GPC5: variants seen among roughly 807,000 people sequenced by gnomAD.
GPC5 encodes glypican-5.
GPC5 carries 47 observed loss-of-function variants against 53.9 expected under a neutral mutation model. That is an observed-to-expected ratio of 0.87 (90% CI 0.69 to 1.11). GPC5 has a LOEUF of 1.11. Ranked by LOEUF, GPC5 falls within the 50% of genes most tolerant of loss-of-function variation. GPC5 has a pLI of 0.00. For missense variants in GPC5, 748 were observed against 713.1 expected, an observed-to-expected ratio of 1.05 and a Z score of -0.56; for synonymous variants, 286 against 263.3, an observed-to-expected ratio of 1.09 and a Z score of -0.84.
intron 7 of GPC5, among the ~76,000 whole-genome samples, chr13:92,433,817 C>T (rs986212707): frequency 6.6e-6 from 1 of 152,070 alleles, no homozygotes; most frequent in Non-Finnish European, 1.5e-5. Context: ...GGTTTGGGTA[C>T]AGAAAACGGT....
At chr13:91,637,997 G>T (rs1431357321) in intron 2 of GPC5, among the ~76,000 whole-genome samples, 1 of 152,192 alleles carries the variant, frequency 6.6e-6, no homozygotes, top group African/African-American at 2.4e-5. Flanking sequence ...CCTGAATAGA[G>T]GATAGCTCTA....
Position 91,702,356 on chromosome 13 carries a change from A to C in GPC5, c.1020+8475A>C, listed in dbSNP as rs143622041. On this transcript the variant is annotated intron_variant, in intron 3 of 7. Coordinates refer to ENST00000377067, the MANE Select transcript of GPC5 (RefSeq NM_004466.6). ...TGTACTTGTGGGGTCATATCCAAAA[A>C]ATCTTGCTAAGACTAATGTCAAGAA... is the stretch of plus-strand genomic sequence containing the variant. 2.0e-3 allele frequency among the ~76,000 whole-genome samples: 305 copies of C among 152,234 alleles called. 2 individuals are homozygous for C. The highest frequency in any genetic ancestry group is 7.1e-3 in the African/African-American group (296 of 41,570).
intron 7 of GPC5, among the ~76,000 whole-genome samples, chr13:92,159,567 TC>T (rs2041970736): frequency 6.7e-6 from 1 of 150,226 alleles, no homozygotes; most frequent in African/African-American, 2.4e-5. Flanking sequence ...GAATTGCTGC[TC>T]TATGTAATCA....
Position 92,527,202 on chromosome 13 carries a change from A to AGAAAG in GPC5, c.1562-339080_1562-339079insGAAAG, listed in dbSNP as rs1491378218. Among the ~76,000 whole-genome samples the AGAAAG allele has an allele frequency of 2.5e-3, 71 of 28,174 alleles. 5 individuals carry two copies. Among genetic ancestry groups the AGAAAG allele is most frequent in the East Asian group, 7.5e-3 (3 of 398 alleles). The allele number at this position is 28,174 out of a possible 152,430, so 18.5% of individuals were successfully genotyped here. A position where few individuals can be genotyped will look rare whatever the true frequency, so the allele number is the denominator to read the frequency against. ...AGAAAGAAGAAAGAAAGAAAGAAAG[A>AGAAAG]AAGAAAGAAAGAAAGAAAGAAAGAA... On this transcript the variant is annotated intron_variant, in intron 7 of 7. Transcript: ENST00000377067.
intron 7 of GPC5, among the ~76,000 whole-genome samples, chr13:92,632,308 G>A (rs1885265466): frequency 6.6e-6 from 1 of 151,538 alleles, no homozygotes; most frequent in African/African-American, 2.4e-5. Context: ...CATCATTTTG[G>A]CATTTGATTT....
chr13:92,647,136 A>G (rs1170095906), intron 7 of GPC5, among the ~76,000 whole-genome samples: 1 of 152,028 alleles, frequency 6.6e-6, no homozygotes, highest in African/African-American at 2.4e-5. Context: ...TATTTTCACT[A>G]AGACCTCAGC....
rs551697378 is a variant in GPC5, at chr13:92,568,990, A to G, written c.1562-297292A>G. Reference sequence around the variant, plus strand: ...TGTGCACAATTTGCAGGTTAGTTACATATGTATACATGTGCCATGCTGGTG... The same window carrying G: ...TGTGCACAATTTGCAGGTTAGTTACGTATGTATACATGTGCCATGCTGGTG... On this transcript the variant is annotated intron_variant, in intron 7 of 7. Coordinates refer to ENST00000377067, the MANE Select transcript of GPC5 (RefSeq NM_004466.6). Among the ~76,000 whole-genome samples the G allele has an allele frequency of 2.6e-4, 39 of 151,580 alleles. No individual in the cohort carries two copies. In the South Asian group the frequency reaches 5.4e-3, roughly 21 times the overall value.
chr13:91,948,056 G>A (rs1174108206), intron 6 of GPC5, among the ~76,000 whole-genome samples: 2 of 151,736 alleles, frequency 1.3e-5, no homozygotes, highest in African/African-American at 4.8e-5. Flanking sequence ...GTGAAACCCC[G>A]TCTCTACTAA....
intron 6 of GPC5, among the ~76,000 whole-genome samples, chr13:91,973,777 C>T (rs2040268333): frequency 6.6e-6 from 1 of 152,170 alleles, no homozygotes; most frequent in Non-Finnish European, 1.5e-5. Context: ...GGCTGCAGAA[C>T]AGCGGTGGCT....
In GPC5 at chr13:92,059,723, C is replaced by G. The variant is rs183290221; in HGVS notation, c.1402-85107C>G. 192 of 151,918 alleles carry G rather than the reference C, an allele frequency of 1.3e-3. 1 individual carries two copies. Among genetic ancestry groups the G allele is most frequent in the African/African-American group, 4.5e-3 (185 of 41,368 alleles). 9.4% of individuals were successfully genotyped at this position (151,918 alleles called of 1,614,324 possible). A position where few individuals can be genotyped will look rare whatever the true frequency, so the allele number is the denominator to read the frequency against. On this transcript the variant is annotated intron_variant, in intron 6 of 7. Coordinates refer to ENST00000377067, the MANE Select transcript of GPC5 (RefSeq NM_004466.6). ...ATAAATAGTATTTAGAAAACTTCAT[C>G]CTAATTGTGATTTGTTTACCACTGC... is the stretch of plus-strand genomic sequence containing the variant.
chr13:92,200,937 G>C (rs538214820), intron 7 of GPC5, among the ~76,000 whole-genome samples: 1 of 151,206 alleles, frequency 6.6e-6, no homozygotes, highest in East Asian at 1.9e-4. Context: ...AATTGGAGGA[G>C]TGTAGGGAGA....
intron 7 of GPC5, among the ~76,000 whole-genome samples, chr13:92,509,043 G>A (rs1046727557): frequency 6.6e-6 from 1 of 152,116 alleles, no homozygotes. Context: ...AAGAATGACA[G>A]ACCATACATA....
intron 7 of GPC5, among the ~76,000 whole-genome samples, chr13:92,431,285 T>C (rs1459867250): frequency 1.3e-4 from 20 of 151,870 alleles, no homozygotes; most frequent in Admixed American, 1.3e-3. Context: ...AGCACATAAA[T>C]ATATACAATA....
chr13:92,531,627 C>T (rs2138988053), intron 7 of GPC5, among the ~76,000 whole-genome samples: 1 of 152,214 alleles, frequency 6.6e-6, no homozygotes, highest in South Asian at 2.1e-4. Context: ...GTTCCCCACA[C>T]CACATGCTCT....
At chr13:91,701,730 T>C (rs1431233497) in intron 3 of GPC5, among the ~76,000 whole-genome samples, 2 of 152,142 alleles carry the variant, frequency 1.3e-5, no homozygotes, top group African/African-American at 4.8e-5. Context: ...GTATCTTGAC[T>C]ATTGTGAATA....
intron 6 of GPC5, among the ~76,000 whole-genome samples, chr13:91,975,362 A>T (rs1449395116): frequency 1.3e-5 from 2 of 152,100 alleles, no homozygotes; most frequent in South Asian, 4.1e-4. Context: ...AATTTTTGCA[A>T]CCTACTCATC....
chr13:91,493,601 C>T (rs959410941), intron 2 of GPC5, among the ~76,000 whole-genome samples: 1 of 152,092 alleles, frequency 6.6e-6, no homozygotes, highest in African/African-American at 2.4e-5. Flanking sequence ...CCTGTGCACA[C>T]GTCTGCTCTT....
chr13:92,602,246 A>ATG (rs1478754114), intron 7 of GPC5, among the ~76,000 whole-genome samples: 1 of 140,506 alleles, frequency 7.1e-6, no homozygotes, highest in Non-Finnish European at 1.5e-5. Context: ...ATATATATAT[A>ATG]TATATATATA....
intron 7 of GPC5, among the ~76,000 whole-genome samples, chr13:92,308,033 T>A (rs1245518085): frequency 1.3e-5 from 2 of 152,190 alleles, no homozygotes; most frequent in African/African-American, 4.8e-5. Context: ...TTAAACATGC[T>A]CATATAGATC....
Sources: gnomAD v4.1 joint callset for allele counts (sites outside exome capture counted in the v4.1 genomes callset) on GRCh38, gnomAD v4.1.1 for gene constraint, MANE v1.5 for transcripts, NCBI Gene and HGNC (gene_info 2026-07-23, HGNC 2026-07-21) for gene names.